Variants in ARL13B observed in about 807,000 individuals in gnomAD.
ARL13B encodes ARF like GTPase 13B, also known as ADP-ribosylation factor-like protein 13B.
A neutral mutation model predicts 56.1 loss-of-function variants in ARL13B; 36 were observed. The observed-to-expected ratio is 0.64, with a 90% confidence interval of 0.49 to 0.85. The LOEUF (loss-of-function observed/expected upper bound fraction) is 0.85, where lower values mean the gene tolerates loss of function less well. Ranked by LOEUF, ARL13B falls within the 40% of genes least tolerant of loss-of-function variation. The pLI, the probability that ARL13B is intolerant of heterozygous loss-of-function variation, is 0.00. For missense variants in ARL13B, 519 were observed against 507.1 expected (o/e 1.02, Z -0.23); for synonymous variants, 178 against 171.1 (o/e 1.04, Z -0.32).
intron 9 of ARL13B, 79 bp downstream of exon 9, chr3:94,050,971 A>C: frequency 7.2e-7 from 1 of 1,385,962 alleles, no homozygotes; most frequent in Non-Finnish European, 1.0e-6. Context: ...ATTTCAACAA[A>C]CTTATGTTTT....
Position 94,055,134 on chromosome 3 carries a change from C to A in ARL13B, c.*1871C>A. On this transcript the variant is annotated 3_prime_UTR_variant, in exon 10 of 10. Transcript: ENST00000394222. ...GCTCTCTCAAAAATTAATTTTTATT[C>A]CTTAAGCATTTTAAAAACATTTTAA... is the stretch of plus-strand genomic sequence containing the variant. 1 of 364,508 alleles carries A rather than the reference C, an allele frequency of 2.7e-6. No homozygotes were observed. Among genetic ancestry groups the A allele is most frequent in the South Asian group, 2.2e-5 (1 of 46,234 alleles). 22.6% of individuals were successfully genotyped at this position (364,508 alleles called of 1,614,324 possible).
chr3:93,995,783 T>C (rs1256928029), intron 1 of ARL13B, 91 bp from the exon 2 acceptor site: 2 of 1,197,342 alleles, frequency 1.7e-6, no homozygotes, highest in Non-Finnish European at 2.4e-6. Context: ...AGGTGCTCCT[T>C]AAATGTTGAT....
chr3:94,038,297 A>C (rs2076803852), intron 5 of ARL13B, among the ~76,000 whole-genome samples: 1 of 152,144 alleles, frequency 6.6e-6, no homozygotes. Flanking sequence ...GCTAAGGCTC[A>C]AAAGATCCAG....
At position 94,035,424 on chromosome 3, in the gene ARL13B, C is replaced by T; in HGVS notation, c.474C>T (p.Cys158=). ...AAAAATTGGTCAATGAGCACAAGTG[C>T]CTGTGTCAGATAGTAAGGTTTTTTT... ...SLEKLVNEHK[C]LCQIEPCSAI... The change falls in exon 4 of 10, where the codon TGC becomes TGT. Residue 158 remains cysteine (C), a synonymous_variant. Transcript: ENST00000394222. 6.3e-7 allele frequency: 1 copy of T among 1,592,276 alleles called. No homozygotes were observed. Among genetic ancestry groups the T allele is most frequent in the Non-Finnish European group, 8.5e-7 (1 of 1,169,764 alleles).
chr3:93,992,778 T>C (rs2075898142), intron 1 of ARL13B, among the ~76,000 whole-genome samples: 1 of 152,060 alleles, frequency 6.6e-6, no homozygotes, highest in Non-Finnish European at 1.5e-5. Context: ...ATCTAAAATA[T>C]TTATTTTATC....
At chr3:94,020,456 C>A (rs1000600441) in intron 3 of ARL13B, among the ~76,000 whole-genome samples, 3 of 152,040 alleles carry the variant, frequency 2.0e-5, no homozygotes, top group African/African-American at 4.8e-5. Flanking sequence ...GTATAGCATA[C>A]TAGAGCATAG....
At chr3:94,002,702 C>A (rs1421068130) in intron 2 of ARL13B, among the ~76,000 whole-genome samples, 1 of 152,120 alleles carries the variant, frequency 6.6e-6, no homozygotes, top group Non-Finnish European at 1.5e-5. Context: ...AGTCTAGAGA[C>A]TTTTGCAAGA....
At chr3:94,019,241 G>C (rs1378467601) in intron 3 of ARL13B, among the ~76,000 whole-genome samples, 1 of 151,526 alleles carries the variant, frequency 6.6e-6, no homozygotes, top group Non-Finnish European at 1.5e-5. Flanking sequence ...CTGTTGCCTA[G>C]GCTGGAGTGC....
At chr3:94,041,452 G>A (rs967395891) in intron 6 of ARL13B, among the ~76,000 whole-genome samples, 2 of 152,102 alleles carry the variant, frequency 1.3e-5, no homozygotes, top group African/African-American at 4.8e-5. Context: ...CAAGTTACTA[G>A]TAGATAATAT....
chr3:94,050,473 A>AT (rs1435250803), intron 8 of ARL13B, among the ~76,000 whole-genome samples: 1 of 152,148 alleles, frequency 6.6e-6, no homozygotes, highest in Non-Finnish European at 1.5e-5. Context: ...ATTTGGTAAC[A>AT]TTTTAAGAAT....
chr3:93,998,004 G>A (rs1419105852), intron 2 of ARL13B, among the ~76,000 whole-genome samples: 2 of 152,106 alleles, frequency 1.3e-5, no homozygotes, highest in South Asian at 2.1e-4. Context: ...AAGACAATCC[G>A]TATACAAATG....
intron 4 of ARL13B, 21 bp downstream of exon 4, chr3:94,035,457 TTAA>T (rs769159574): frequency 2.7e-6 from 4 of 1,477,542 alleles, no homozygotes; most frequent in Non-Finnish European, 3.7e-6. Context: ...TTTTTTTTTT[TTAA>T]TTTTAATTTT....
intron 3 of ARL13B, among the ~76,000 whole-genome samples, chr3:94,029,335 TTTATTTTTTTTTTA>T (rs2076626611): frequency 1.6e-5 from 1 of 60,718 alleles, no homozygotes; most frequent in African/African-American, 7.7e-5. Context: ...TATATATATA[TTTATTTTTTTTTTA>T]TTTTTTTTTT....
In ARL13B at chr3:94,014,768, G is replaced by C. The variant is rs779676629; in HGVS notation, c.380+10860G>C. On this transcript the variant is annotated intron_variant, in intron 3 of 9. Transcript: ENST00000394222. The stretch of plus-strand genomic sequence containing the variant: ...TCTTTTCCAGCAACTTCAAGCTGAC[G>C]TAAAATAAATGTCTTGCACTTCTCT... 2.5e-6 allele frequency: 4 copies of C among 1,613,512 alleles called. No homozygotes were observed. The Admixed American group carries it at 6.7e-5, about 27-fold the overall frequency.
chr3:94,039,807 C>G, intron 5 of ARL13B, 73 bp from the exon 6 acceptor site: 1 of 1,227,338 alleles, frequency 8.1e-7, no homozygotes, highest in Non-Finnish European at 1.2e-6. Context: ...AGCCTTATAC[C>G]TATTGCAGTT....
chr3:94,043,054 A>G lies in ARL13B; in HGVS notation c.838A>G (p.Met280Val), dbSNP rs1193837241. ...KLEREKKNQK[M>V]EKDSDGCHLK... The stretch of plus-strand genomic sequence containing the variant: ...TGAAAGAGAGAAAAAAAACCAAAAA[A>G]TGGAGAAAGACAGTGATGGCTGCCA... Residue 280 changes from methionine to valine, a missense_variant, in exon 7 of 10, where the codon ATG becomes GTG. Physicochemically the swap from Met to Val is conservative, Grantham distance 21 (BLOSUM62 1). Transcript: ENST00000394222. The G allele has an allele frequency of 6.2e-7, 1 of 1,611,998 alleles. No individual in the cohort carries two copies. The highest frequency in any genetic ancestry group is 1.7e-5 in the Admixed American group (1 of 59,710).
At chr3:94,005,477 G>A (rs965776376) in intron 3 of ARL13B, among the ~76,000 whole-genome samples, 1 of 152,176 alleles carries the variant, frequency 6.6e-6, no homozygotes, top group African/African-American at 2.4e-5. Flanking sequence ...CAGTTGTTAA[G>A]TGACTACAGT....
intron 9 of ARL13B, among the ~76,000 whole-genome samples, chr3:94,052,773 G>T (rs2077086886): frequency 6.6e-6 from 1 of 152,066 alleles, no homozygotes; most frequent in African/African-American, 2.4e-5. Flanking sequence ...ATTTTTTGTT[G>T]CAATGTAAAG....
intron 3 of ARL13B, among the ~76,000 whole-genome samples, chr3:94,021,470 C>T (rs1320201064): frequency 6.6e-6 from 1 of 152,034 alleles, no homozygotes; most frequent in Non-Finnish European, 1.5e-5. Context: ...GCTGGGATTA[C>T]AGGTACAAAC....
Sources: gnomAD v4.1 joint callset for allele counts (sites outside exome capture counted in the v4.1 genomes callset) on GRCh38, gnomAD v4.1.1 for gene constraint, MANE v1.5 for transcripts, NCBI Gene and HGNC (gene_info 2026-07-23, HGNC 2026-07-21) for gene names.